The following CHIC1 variants were observed in gnomAD, a reference collection of about 807,000 sequenced individuals.
CHIC1 encodes the protein cysteine rich hydrophobic domain 1.
A neutral mutation model predicts 18.5 loss-of-function variants in CHIC1; 7 were observed. That is an observed-to-expected ratio of 0.38 (90% confidence interval 0.22 to 0.71). The LOEUF is 0.71. CHIC1 is among the 30% of genes least tolerant of loss of function. The pLI is 0.49. For missense variants in CHIC1, 159 were observed against 176.9 expected (o/e 0.90, Z 0.57); for synonymous variants, 77 against 73.5 (o/e 1.05, Z -0.25).
chrX:73,655,494 G>A (rs190901455), intron 3 of CHIC1, among the ~76,000 whole-genome samples: 1,226 of 54,124 alleles, frequency 0.023, 98 homozygotes, highest in African/African-American at 0.085. Flanking sequence ...ACAATATTGT[G>A]TATATATATA....
intron 2 of CHIC1, among the ~76,000 whole-genome samples, chrX:73,582,315 A>G (rs960410838): frequency 3.6e-5 from 4 of 110,751 alleles, no homozygotes; most frequent in Non-Finnish European, 7.6e-5. Flanking sequence ...TTACAGATTA[A>G]AGCTAAATAT....
intron 3 of CHIC1, among the ~76,000 whole-genome samples, chrX:73,660,159 T>A (rs1033360035): frequency 8.9e-6 from 1 of 112,444 alleles, no homozygotes; most frequent in African/African-American, 3.2e-5. Flanking sequence ...TACCTGCAAC[T>A]AAGACTGTTA....
intron 3 of CHIC1, among the ~76,000 whole-genome samples, chrX:73,641,117 A>AC (rs755300790): frequency 8.9e-6 from 1 of 111,859 alleles, no homozygotes; most frequent in African/African-American, 3.2e-5. Context: ...TCATTCAGGA[A>AC]CAGGTTGTTT....
chrX:73,563,707 G>T (rs2057430624), intron 1 of CHIC1, 127 bp downstream of exon 1: 14 of 636,406 alleles, frequency 2.2e-5, no homozygotes, highest in Non-Finnish European at 2.6e-5. Flanking sequence ...CTTAGGAAAG[G>T]ACACCTGGTC....
At chrX:73,667,491 T>C (rs2058009853) in intron 3 of CHIC1, among the ~76,000 whole-genome samples, 1 of 112,052 alleles carries the variant, frequency 8.9e-6, no homozygotes, top group Non-Finnish European at 1.9e-5. Context: ...CTGATGACAG[T>C]TTTTCCTTTC....
intron 3 of CHIC1, among the ~76,000 whole-genome samples, chrX:73,648,571 A>T (rs982253113): frequency 3.6e-5 from 4 of 112,055 alleles, no homozygotes; most frequent in African/African-American, 1.3e-4. Flanking sequence ...GGTGAAGCAT[A>T]CACAAGTATC....
intron 3 of CHIC1, among the ~76,000 whole-genome samples, chrX:73,676,484 G>A (rs979839988): frequency 8.2e-5 from 9 of 110,059 alleles, no homozygotes; most frequent in African/African-American, 1.7e-4. Context: ...CATTCATTTC[G>A]TCTTCCATCA....
chrX:73,623,475 G>A (rs1260691803), intron 3 of CHIC1, among the ~76,000 whole-genome samples: 1 of 109,864 alleles, frequency 9.1e-6, no homozygotes, highest in African/African-American at 3.3e-5. Context: ...TTGGTTTAAA[G>A]TCTGTTTTAT....
At chrX:73,603,931 A>G (rs1024316857) in intron 3 of CHIC1, among the ~76,000 whole-genome samples, 2 of 109,029 alleles carry the variant, frequency 1.8e-5, no homozygotes, top group African/African-American at 7.1e-5. Context: ...TTTCGCATCA[A>G]TGTTCATCAG....
chrX:73,598,438 G>A (rs992937751), intron 3 of CHIC1, among the ~76,000 whole-genome samples: 3 of 103,370 alleles, frequency 2.9e-5, no homozygotes, highest in African/African-American at 7.1e-5. Flanking sequence ...CCACTAACTC[G>A]TCATCTAGCA....
chrX:73,619,586 A>T (rs187451422), intron 3 of CHIC1, among the ~76,000 whole-genome samples: 1 of 111,305 alleles, frequency 9.0e-6, no homozygotes, highest in East Asian at 2.8e-4. Flanking sequence ...GGTTACCATA[A>T]GGCTTGCAAA....
At chrX:73,650,510 C>T (rs374755510) in intron 3 of CHIC1, among the ~76,000 whole-genome samples, 7 of 110,184 alleles carry the variant, frequency 6.4e-5, no homozygotes, top group African/African-American at 9.9e-5. Flanking sequence ...CACCACTGAC[C>T]GCACAGAAAT....
intron 3 of CHIC1, among the ~76,000 whole-genome samples, chrX:73,584,849 T>C (rs781120643): frequency 1.8e-5 from 2 of 111,469 alleles, no homozygotes; most frequent in South Asian, 7.5e-4. Context: ...GGCTACTTAT[T>C]CTTTTTAAAA....
chrX:73,678,774 G>A (rs1378333752), intron 3 of CHIC1, among the ~76,000 whole-genome samples: 32 of 111,497 alleles, frequency 2.9e-4, no homozygotes, highest in Non-Finnish European at 4.7e-4. Flanking sequence ...TTTTCCACTG[G>A]CTGTTTTTAA....
chrX:73,644,397 A>G (rs1018497111), intron 3 of CHIC1, among the ~76,000 whole-genome samples: 12 of 111,158 alleles, frequency 1.1e-4, no homozygotes, highest in African/African-American at 1.6e-4. Context: ...GAGAACCACT[A>G]CTCTCTTCAA....
At chrX:73,680,427 A>T (rs1249176698) in intron 5 of CHIC1, among the ~76,000 whole-genome samples, 3 of 111,379 alleles carry the variant, frequency 2.7e-5, no homozygotes, top group African/African-American at 9.7e-5. Context: ...AAAATATCCG[A>T]GTTTTTTAAA....
chrX:73,650,442 TAAGG>T (rs200447314), intron 3 of CHIC1, among the ~76,000 whole-genome samples: 5,735 of 109,641 alleles, frequency 0.052, 174 homozygotes, highest in Non-Finnish European at 0.084. Context: ...GCTAGACTAA[TAAGG>T]AAGAAAAGAG....
At chrX:73,655,462 GTATA>G (rs200659486) in intron 3 of CHIC1, among the ~76,000 whole-genome samples, 1 of 42,982 alleles carries the variant, frequency 2.3e-5, no homozygotes, top group Non-Finnish European at 4.3e-5. Context: ...ACAATATTGT[GTATA>G]TATATATACA....
intron 3 of CHIC1, among the ~76,000 whole-genome samples, chrX:73,602,879 C>T (rs913916764): frequency 1.8e-5 from 2 of 108,773 alleles, no homozygotes; most frequent in African/African-American, 7.1e-5. Context: ...ATCTATATAT[C>T]TGTTTTGGTA....
Sources: allele counts gnomAD v4.1 joint callset (sites outside exome capture counted in the v4.1 genomes callset), GRCh38; gene constraint gnomAD v4.1.1; transcripts MANE v1.5; gene names NCBI Gene and HGNC (gene_info 2026-07-23, HGNC 2026-07-21).